SGMS1: variants seen among roughly 807,000 people sequenced by gnomAD.
The protein encoded by SGMS1 is sphingomyelin synthase 1.
A neutral mutation model predicts 46.2 loss-of-function variants in SGMS1; 13 were observed. The ratio of observed to expected loss-of-function variants is 0.28; its 90% CI spans 0.18 to 0.45. SGMS1 has a LOEUF of 0.45. Ranked by LOEUF, SGMS1 falls within the 20% of genes least tolerant of loss-of-function variation. The pLI, the probability that SGMS1 is intolerant of heterozygous loss-of-function variation, is 1.00. For missense variants in SGMS1, 324 were observed against 519.9 expected (o/e 0.62, Z 3.66); for synonymous variants, 203 against 187.8 (o/e 1.08, Z -0.66).
chr10:50,624,277 C>T, upstream of SGMS1: 1 of 327,980 alleles, frequency 3.0e-6, no homozygotes, highest in Non-Finnish European at 4.4e-6. Context: ...GAGACGGGAG[C>T]CGCTAGAGCT....
At chr10:50,317,506 T>C (rs1324100058) in intron 8 of SGMS1, among the ~76,000 whole-genome samples, 1 of 152,146 alleles carries the variant, frequency 6.6e-6, no homozygotes, top group African/African-American at 2.4e-5. Context: ...AGAGCCCAAA[T>C]GTCTTACCTC....
At chr10:50,513,536 A>C (rs1837775460) in intron 3 of SGMS1, among the ~76,000 whole-genome samples, 1 of 152,148 alleles carries the variant, frequency 6.6e-6, no homozygotes, top group African/African-American at 2.4e-5. Flanking sequence ...TGACACAAAG[A>C]CTTCTTCTAA....
At chr10:50,517,032 A>G (rs901750111) in intron 3 of SGMS1, among the ~76,000 whole-genome samples, 1 of 152,204 alleles carries the variant, frequency 6.6e-6, no homozygotes, top group African/African-American at 2.4e-5. Flanking sequence ...TGGTGGAGAA[A>G]GCCCAGCTTT....
chr10:50,482,096 T>C (rs1227419905), intron 3 of SGMS1, among the ~76,000 whole-genome samples: 1 of 152,154 alleles, frequency 6.6e-6, no homozygotes, highest in Non-Finnish European at 1.5e-5. Context: ...GGAAACATAC[T>C]TCAGGATATC....
intron 2 of SGMS1, among the ~76,000 whole-genome samples, chr10:50,547,747 A>G (rs555843524): frequency 6.6e-6 from 1 of 152,232 alleles, no homozygotes; most frequent in East Asian, 1.9e-4. Context: ...AAAAAAAGAA[A>G]CCTTCAGGCC....
intron 2 of SGMS1, among the ~76,000 whole-genome samples, chr10:50,581,297 C>T (rs1022048425): frequency 1.3e-5 from 2 of 152,142 alleles, no homozygotes; most frequent in African/African-American, 2.4e-5. Flanking sequence ...GGCAGTACAG[C>T]GTCTGTGATG....
At chr10:50,348,858 A>C (rs1044772647) in intron 6 of SGMS1, among the ~76,000 whole-genome samples, 1 of 152,256 alleles carries the variant, frequency 6.6e-6, no homozygotes, top group African/African-American at 2.4e-5. Flanking sequence ...TGTAAAGCCA[A>C]GACAATCCTA....
intron 3 of SGMS1, among the ~76,000 whole-genome samples, chr10:50,478,866 T>C (rs989987923): frequency 6.6e-6 from 1 of 152,098 alleles, no homozygotes; most frequent in Non-Finnish European, 1.5e-5. Context: ...AACCACATAG[T>C]GTACTTAGAT....
chr10:50,589,710 G>A (rs1012828814), intron 2 of SGMS1, among the ~76,000 whole-genome samples: 2 of 152,142 alleles, frequency 1.3e-5, no homozygotes, highest in African/African-American at 4.8e-5. Context: ...GGGCTCAAGC[G>A]ATCCATTCCC....
rs56080913 is a variant in SGMS1, at chr10:50,502,323, A to AC, written c.-498+17507dup. ...TGAGGAAAGAAAAAAAAAAAAAAAAACCAGCACAGCAGGAGAAGTCAGTAA... is the reference window on the plus strand; with the variant it reads ...TGAGGAAAGAAAAAAAAAAAAAAAAACCCAGCACAGCAGGAGAAGTCAGTAA... On this transcript the variant is annotated intron_variant, in intron 3 of 10. Coordinates refer to ENST00000361781, the MANE Select transcript of SGMS1 (RefSeq NM_147156.4). Among the ~76,000 whole-genome samples the AC allele has an allele frequency of 2.5e-4, 37 of 150,334 alleles. No individual in the cohort carries two copies. In the South Asian group the frequency reaches 7.4e-3, roughly 30 times the overall value.
intron 6 of SGMS1, among the ~76,000 whole-genome samples, chr10:50,359,652 T>C (rs1388549326): frequency 6.7e-6 from 1 of 149,018 alleles, no homozygotes; most frequent in African/African-American, 2.5e-5. Flanking sequence ...TATTTAGTGA[T>C]CAAGAAATCT....
intron 5 of SGMS1, among the ~76,000 whole-genome samples, chr10:50,440,766 T>C (rs1178450587): frequency 1.3e-5 from 2 of 152,120 alleles, no homozygotes; most frequent in African/African-American, 4.8e-5. Context: ...CATACTACCA[T>C]GGCCAGCTAA....
At chr10:50,366,937 C>G (rs1848356964) in intron 6 of SGMS1, among the ~76,000 whole-genome samples, 1 of 151,942 alleles carries the variant, frequency 6.6e-6, no homozygotes, top group Non-Finnish European at 1.5e-5. Flanking sequence ...ACATGTAACC[C>G]AGATCTTGAA....
intron 5 of SGMS1, among the ~76,000 whole-genome samples, chr10:50,455,976 A>G (rs1007007783): frequency 6.6e-6 from 1 of 152,132 alleles, no homozygotes; most frequent in Non-Finnish European, 1.5e-5. Flanking sequence ...GGAAACCACT[A>G]TCATAAAAGC....
intron 2 of SGMS1, among the ~76,000 whole-genome samples, chr10:50,578,441 T>C (rs1838403932): frequency 6.6e-6 from 1 of 152,194 alleles, no homozygotes; most frequent in African/African-American, 2.4e-5. Context: ...TCAATAAGGA[T>C]TTTTTTCTAC....
chr10:50,336,465 A>G (rs535564521), intron 7 of SGMS1, among the ~76,000 whole-genome samples: 1 of 152,296 alleles, frequency 6.6e-6, no homozygotes, highest in Non-Finnish European at 1.5e-5. Flanking sequence ...GCTAGGACAG[A>G]GCTAAGGGCA....
upstream of SGMS1, chr10:50,624,723 T>G (rs1224429558): frequency 3.0e-6 from 3 of 985,278 alleles, no homozygotes; most frequent in African/African-American, 3.5e-5. Flanking sequence ...AAGGTTTTCC[T>G]CTGCTCCCCG....
intron 3 of SGMS1, among the ~76,000 whole-genome samples, chr10:50,476,303 A>C (rs1588846211): frequency 7.3e-5 from 1 of 13,726 alleles, no homozygotes; most frequent in Non-Finnish European, 1.4e-4. Flanking sequence ...AAGGGAGGGG[A>C]GGGGAGGGGG....
intron 2 of SGMS1, among the ~76,000 whole-genome samples, chr10:50,562,805 A>C (rs1244001361): frequency 1.3e-5 from 2 of 151,950 alleles, no homozygotes; most frequent in African/African-American, 4.8e-5. Flanking sequence ...TGGCCTCCCA[A>C]AGTGCTGGGT....
Sources: allele counts gnomAD v4.1 joint callset (sites outside exome capture counted in the v4.1 genomes callset), GRCh38; gene constraint gnomAD v4.1.1; transcripts MANE v1.5; gene names NCBI Gene and HGNC (gene_info 2026-07-23, HGNC 2026-07-21).